The following FOXP2 variants were observed in gnomAD, a reference collection of about 807,000 sequenced individuals.
The protein encoded by FOXP2 is forkhead box P2.
A neutral mutation model predicts 115.8 loss-of-function variants in FOXP2; 12 were observed. The ratio of observed to expected loss-of-function variants is 0.10; its 90% CI spans 0.07 to 0.17. The LOEUF (loss-of-function observed/expected upper bound fraction) is 0.17. Among genes scored for constraint, FOXP2 ranks in the 10% least tolerant of loss-of-function variants. The pLI is 1.00. For missense variants in FOXP2, 629 were observed against 843.5 expected (o/e 0.75, Z 3.15); for synonymous variants, 328 against 297.7 (o/e 1.10, Z -1.05).
rs750818595 is a variant in FOXP2, at chr7:114,630,024, A to T, written c.597+19A>T. On this transcript the variant is annotated intron_variant, in intron 5 of 16. Transcript: ENST00000350908. ...GAAAGAGGTAGGATCCGGTTATCTC[A>T]TTGATACATAACAGTTTGCAGTTAA... 1.2e-6 allele frequency: 2 copies of T among 1,602,552 alleles called. No individual in the cohort carries two copies. Among genetic ancestry groups the T allele is most frequent in the East Asian group, 2.2e-5 (1 of 44,668 alleles).
intron 2 of FOXP2, among the ~76,000 whole-genome samples, chr7:114,330,563 G>A (rs1797682550): frequency 6.7e-6 from 1 of 150,368 alleles, no homozygotes; most frequent in Non-Finnish European, 1.5e-5. Flanking sequence ...ATGTGAATAT[G>A]CATCTATTTG....
intron 2 of FOXP2, among the ~76,000 whole-genome samples, chr7:114,530,466 A>G (rs1799088864): frequency 6.6e-6 from 1 of 151,822 alleles, no homozygotes; most frequent in Non-Finnish European, 1.5e-5. Flanking sequence ...AAGCATTCCT[A>G]TTTTTATGGG....
chr7:114,300,242 A>G (rs1188529790), intron 2 of FOXP2, among the ~76,000 whole-genome samples: 2 of 152,140 alleles, frequency 1.3e-5, no homozygotes, highest in African/African-American at 4.8e-5. Context: ...AATCTATATA[A>G]CCATAGGAAA....
chr7:114,308,922 C>T (rs1438894033), intron 2 of FOXP2, among the ~76,000 whole-genome samples: 1 of 152,102 alleles, frequency 6.6e-6, no homozygotes, highest in African/African-American at 2.4e-5. Context: ...GACAAAAGAC[C>T]GATATAGTCA....
chr7:114,449,880 T>C (rs1021679221), intron 2 of FOXP2, among the ~76,000 whole-genome samples: 4 of 152,092 alleles, frequency 2.6e-5, no homozygotes, highest in Non-Finnish European at 4.4e-5. Context: ...TACAAATGAA[T>C]CCATATAAAT....
At chr7:114,328,302 T>C (rs1486862332) in intron 2 of FOXP2, among the ~76,000 whole-genome samples, 1 of 149,552 alleles carries the variant, frequency 6.7e-6, no homozygotes, top group Non-Finnish European at 1.5e-5. Flanking sequence ...AGTGGCGCGA[T>C]CTCGGCTCAC....
intron 3 of FOXP2, among the ~76,000 whole-genome samples, chr7:114,621,496 T>C (rs573768962): frequency 3.9e-5 from 6 of 152,156 alleles, no homozygotes; most frequent in African/African-American, 1.4e-4. Flanking sequence ...GAAAAAGTAA[T>C]TGCTAAGTCG....
At chr7:114,424,704 T>C (rs1404579685) in intron 1 of FOXP2, among the ~76,000 whole-genome samples, 1 of 151,558 alleles carries the variant, frequency 6.6e-6, no homozygotes, top group East Asian at 1.9e-4. Context: ...TCTTTGTTAA[T>C]GTTCAATAAG....
chr7:114,615,671 C>A (rs1474813757), intron 3 of FOXP2, among the ~76,000 whole-genome samples: 1 of 152,164 alleles, frequency 6.6e-6, no homozygotes, highest in African/African-American at 2.4e-5. Context: ...CTTTCTGCTA[C>A]TGCTATTAAT....
At chr7:114,320,291 T>C (rs1797388470) in intron 2 of FOXP2, among the ~76,000 whole-genome samples, 1 of 152,220 alleles carries the variant, frequency 6.6e-6, no homozygotes. Flanking sequence ...GTTTTCTCTT[T>C]ATCACTTCAA....
intron 1 of FOXP2, among the ~76,000 whole-genome samples, chr7:114,249,194 AG>A (rs1007357384): frequency 6.6e-6 from 1 of 151,970 alleles, no homozygotes; most frequent in African/African-American, 2.4e-5. Context: ...TAACCAAAGA[AG>A]GCCTTTCTAT....
intron 1 of FOXP2, among the ~76,000 whole-genome samples, chr7:114,210,777 C>T (rs1794326291): frequency 6.6e-6 from 1 of 151,922 alleles, no homozygotes; most frequent in Admixed American, 6.6e-5. Flanking sequence ...GCAGAAATGG[C>T]GGCTGCCACT....
At chr7:114,602,309 C>A (rs1354139933) in intron 3 of FOXP2, among the ~76,000 whole-genome samples, 2 of 151,858 alleles carry the variant, frequency 1.3e-5, no homozygotes, top group Non-Finnish European at 2.9e-5. Flanking sequence ...CTGTCTTTTG[C>A]TTACTGCTTC....
intron 1 of FOXP2, among the ~76,000 whole-genome samples, chr7:114,128,607 G>A (rs1383680466): frequency 4.0e-5 from 6 of 151,522 alleles, no homozygotes; most frequent in South Asian, 2.1e-4. Context: ...GGATCAAAAC[G>A]CTCCAAAAAT....
At position 114,625,687 on chromosome 7, in the gene FOXP2, G is replaced by A. The variant is rs560671462; in HGVS notation, c.259-2853G>A. On this transcript the variant is annotated intron_variant, in intron 3 of 16. Coordinates refer to ENST00000350908, the MANE Select transcript of FOXP2 (RefSeq NM_014491.4). Reference sequence around the variant, plus strand: ...TAAAATGAGTCACTTAAAAATGAAGGCTATGCATTTCTCAAATTGCAAGTG... The same window carrying A: ...TAAAATGAGTCACTTAAAAATGAAGACTATGCATTTCTCAAATTGCAAGTG... Among the ~76,000 whole-genome samples the A allele has an allele frequency of 3.9e-3, 593 of 151,802 alleles. 1 individual carries two copies. The highest frequency in any genetic ancestry group is 5.3e-3 in the Non-Finnish European group (359 of 67,716).
At chr7:114,608,815 A>G (rs1803473754) in intron 3 of FOXP2, among the ~76,000 whole-genome samples, 1 of 152,224 alleles carries the variant, frequency 6.6e-6, no homozygotes, top group Non-Finnish European at 1.5e-5. Context: ...ATAACCCTGT[A>G]CCTGGATAAA....
At chr7:114,549,120 C>A (rs573562000) in intron 3 of FOXP2, among the ~76,000 whole-genome samples, 1 of 152,276 alleles carries the variant, frequency 6.6e-6, no homozygotes, top group South Asian at 2.1e-4. Flanking sequence ...TTCAAGGAAA[C>A]CTTGCTTTCT....
chr7:114,521,845 G>C (rs1219253065), intron 2 of FOXP2, among the ~76,000 whole-genome samples: 1 of 152,100 alleles, frequency 6.6e-6, no homozygotes, highest in Non-Finnish European at 1.5e-5. Flanking sequence ...GTCTGTAAAG[G>C]AGCTACTGTG....
At chr7:114,208,896 A>G (rs538298448) in intron 1 of FOXP2, among the ~76,000 whole-genome samples, 91 of 152,148 alleles carry the variant, frequency 6.0e-4, no homozygotes, top group African/African-American at 1.8e-3. Context: ...TTTCTTTTGT[A>G]TATTCCCCAT....
Sources: allele counts gnomAD v4.1 joint callset (sites outside exome capture counted in the v4.1 genomes callset), GRCh38; gene constraint gnomAD v4.1.1; transcripts MANE v1.5; gene names NCBI Gene and HGNC (gene_info 2026-07-23, HGNC 2026-07-21).